NMUR1: variants seen among roughly 807,000 people sequenced by gnomAD.
NMUR1 encodes the protein neuromedin-U receptor 1.
NMUR1 carries 16 observed loss-of-function variants against 18.8 expected under a neutral mutation model. The observed-to-expected ratio is 0.85, with a 90% confidence interval of 0.58 to 1.29. The LOEUF (loss-of-function observed/expected upper bound fraction) is 1.29. NMUR1 is among the 50% of genes most tolerant of loss of function. The pLI, the probability that NMUR1 is intolerant of heterozygous loss-of-function variation, is 0.00. For synonymous variants in NMUR1, 258 were observed against 258.2 expected (o/e 1.00, Z 0.01); for missense variants, 529 against 580.3 (o/e 0.91, Z 0.91).
At chr2:231,518,940 C>G (rs2047286918), downstream of NMUR1, among the ~76,000 whole-genome samples, 1 of 152,202 alleles carries the variant, frequency 6.6e-6, no homozygotes, top group Non-Finnish European at 1.5e-5. Context: ...CAGTCAGACC[C>G]TTCTCCCCAG....
At position 231,530,357 on chromosome 2, in the gene NMUR1, A is replaced by C; in HGVS notation, c.3+2T>G. On this transcript the variant is annotated splice_donor_variant, in intron 1 of 2. Transcript: ENST00000305141. LOFTEE classifies it high-confidence loss of function. ...AGCCCACGCCGGCGCCTGCGCACCTACCATGCGGCCCGCGGCCCGCGAGAC... is the reference window on the plus strand; with the variant it reads ...AGCCCACGCCGGCGCCTGCGCACCTCCCATGCGGCCCGCGGCCCGCGAGAC... The C allele has an allele frequency of 6.7e-7, 1 of 1,488,494 alleles. No individual in the cohort carries two copies. Among genetic ancestry groups the C allele is most frequent in the Non-Finnish European group, 8.9e-7 (1 of 1,126,642 alleles). 92.2% of individuals were successfully genotyped at this position (1,488,494 alleles called of 1,614,324 possible). A position where few individuals can be genotyped will look rare whatever the true frequency, so the allele number is the denominator to read the frequency against.
At chr2:231,526,895 G>C (rs1289655386) in intron 2 of NMUR1, among the ~76,000 whole-genome samples, 1 of 152,156 alleles carries the variant, frequency 6.6e-6, no homozygotes, top group East Asian at 1.9e-4. Flanking sequence ...CCAGGTCCAG[G>C]CCACAGAGAT....
At chr2:231,529,489 T>TA (rs1187751523) in intron 1 of NMUR1, among the ~76,000 whole-genome samples, 1 of 129,096 alleles carries the variant, frequency 7.7e-6, no homozygotes, top group Admixed American at 8.3e-5. Context: ...AACGAAAAAG[T>TA]AAAAATCTAC....
chr2:231,527,897 C>T (rs1366570466), intron 2 of NMUR1, among the ~76,000 whole-genome samples: 2 of 151,902 alleles, frequency 1.3e-5, no homozygotes, highest in African/African-American at 2.4e-5. Context: ...ACAATCTTAC[C>T]GTTAGCCATT....
Position 231,524,585 on chromosome 2 carries a change from G to C in NMUR1, c.*458C>G, listed in dbSNP as rs999279032. The stretch of plus-strand genomic sequence containing the variant: ...AAAAGAAAGGTAGACTGATATGCTT[G>C]ATGGTGCATGACAAGGTGGTGACAG... On this transcript the variant is annotated 3_prime_UTR_variant, in exon 3 of 3. Coordinates refer to ENST00000305141, the MANE Select transcript of NMUR1 (RefSeq NM_006056.5). The C allele has an allele frequency of 6.2e-6, 1 of 161,228 alleles. No homozygotes were observed. The highest frequency in any genetic ancestry group is 2.4e-5 in the African/African-American group (1 of 41,700). 10.0% of individuals were successfully genotyped at this position (161,228 alleles called of 1,614,324 possible).
At chr2:231,520,361 CTGT>C (rs964196507), downstream of NMUR1, among the ~76,000 whole-genome samples, 13 of 152,368 alleles carry the variant, frequency 8.5e-5, no homozygotes, top group African/African-American at 2.9e-4. Flanking sequence ...ACGCCTGCCC[CTGT>C]TGTTGTGCGT....
chr2:231,528,701 A>C lies in NMUR1; in HGVS notation c.320T>G (p.Leu107Arg). 6.2e-7 allele frequency: 1 copy of C among 1,614,258 alleles called. No homozygotes were observed. Among genetic ancestry groups the C allele is most frequent in the South Asian group, 1.1e-5 (1 of 91,090 alleles). Residue 107 changes from leucine (L) to arginine (R), a missense_variant, in exon 2 of 3, where the codon CTG becomes CGG. Coordinates refer to ENST00000305141, the MANE Select transcript of NMUR1 (RefSeq NM_006056.5). ...GGGCAGGCCCACCAGCAGCACCAGCAGGTCCGACACGGCCAGGCTGAAGAG... is the reference window on the plus strand; with the variant it reads ...GGGCAGGCCCACCAGCAGCACCAGCCGGTCCGACACGGCCAGGCTGAAGAG... ...YYLFSLAVSDLLVLLVGLPLE... is the reference protein window; with the variant it reads ...YYLFSLAVSDRLVLLVGLPLE...
downstream of NMUR1, chr2:231,523,137 A>G (rs768160364): frequency 3.0e-6 from 1 of 335,732 alleles, no homozygotes; most frequent in Non-Finnish European, 5.5e-6. Flanking sequence ...TATATAAAAT[A>G]AAACCACCAT....
Position 231,528,615 on chromosome 2 carries a change from A to C in NMUR1, c.406T>G (p.Phe136Val). Residue 136 changes from phenylalanine (F) to valine (V), a missense_variant, in exon 2 of 3, where the codon TTC becomes GTC. Physicochemically the swap from Phe to Val is conservative, Grantham distance 50. Coordinates refer to ENST00000305141, the MANE Select transcript of NMUR1 (RefSeq NM_006056.5). ...ACCATCTCAAACAGTAGCGTGCGGA[A>C]ATAGCAGCCACCAACGCCCAGCAGG... ...PFLLGVGGCY[F>V]RTLLFEMVCL... 6.2e-7 allele frequency: 1 copy of C among 1,614,220 alleles called. No homozygotes were observed.
intron 1 of NMUR1, 121 bp downstream of exon 1, chr2:231,530,238 G>T (rs1344074668): frequency 4.2e-6 from 5 of 1,199,890 alleles, no homozygotes; most frequent in African/African-American, 3.2e-5. Flanking sequence ...CTCCCCGGTG[G>T]CGGGGACGGG....
downstream of NMUR1, among the ~76,000 whole-genome samples, chr2:231,519,448 T>G (rs992644276): frequency 6.6e-6 from 1 of 152,226 alleles, no homozygotes. Flanking sequence ...GAACATTTAC[T>G]TTAGAGAGTC....
At chr2:231,519,878 GC>G (rs1387828970), downstream of NMUR1, among the ~76,000 whole-genome samples, 2 of 152,134 alleles carry the variant, frequency 1.3e-5, no homozygotes, top group Non-Finnish European at 2.9e-5. Flanking sequence ...GATCATTTGA[GC>G]CCAGGAATTC....
rs777735963 is a variant in NMUR1, at chr2:231,525,234, G to A, written c.1090C>T (p.Arg364Ter). 1.5e-5 allele frequency: 25 copies of A among 1,614,036 alleles called. No individual in the cohort carries two copies. Among genetic ancestry groups the A allele is most frequent in the Middle Eastern group, 1.6e-4 (1 of 6,084 alleles). Reference protein sequence around the residue: ...VLYSLMSSRFRETFQEALCLG... With the variant: ...VLYSLMSSRF ...CACAGGGCCTCCTGGAAGGTCTCTC[G>A]GAAGCGGCTGGACATGAGGCTATAG... Residue 364 changes from arginine (R) to a stop codon, truncating the protein, a stop_gained, in exon 3 of 3, where the codon CGA (arginine) becomes TGA (stop). Coordinates refer to ENST00000305141, the MANE Select transcript of NMUR1 (RefSeq NM_006056.5). LOFTEE classifies it low-confidence loss of function (END_TRUNC).
Position 231,530,407 on chromosome 2 carries a change from G to C in NMUR1, c.-46C>G. 2.0e-6 allele frequency: 3 copies of C among 1,471,640 alleles called. No homozygotes were observed. Among genetic ancestry groups the C allele is most frequent in the Non-Finnish European group, 2.7e-6 (3 of 1,118,684 alleles). 91.2% of individuals were successfully genotyped at this position (1,471,640 alleles called of 1,614,324 possible). A position where few individuals can be genotyped will look rare whatever the true frequency, so the allele number is the denominator to read the frequency against. On this transcript the variant is annotated 5_prime_UTR_variant, in exon 1 of 3. Transcript: ENST00000305141. ...CCCCGGCTTCCACCCTCCGAGCGAC[G>C]GACACAGACGCGGCGCGGGAGCCAG...
intron 2 of NMUR1, among the ~76,000 whole-genome samples, chr2:231,527,285 G>A (rs1258202639): frequency 6.6e-6 from 1 of 152,234 alleles, no homozygotes; most frequent in Non-Finnish European, 1.5e-5. Flanking sequence ...CAGGAAAGAA[G>A]ATGGCGTGCC....
rs1195427942 is a variant in NMUR1, at chr2:231,523,786, G to A, written c.*1257C>T. The stretch of plus-strand genomic sequence containing the variant: ...GACTTGGCCTGCAGGGATTCAGAAT[G>A]GGGCTCAGTTTCAAGGACTACTTGT... On this transcript the variant is annotated 3_prime_UTR_variant, in exon 3 of 3. Coordinates refer to ENST00000305141, the MANE Select transcript of NMUR1 (RefSeq NM_006056.5). 1 of 152,778 alleles carries A rather than the reference G, an allele frequency of 6.5e-6. No individual in the cohort carries two copies. Among genetic ancestry groups the A allele is most frequent in the Non-Finnish European group, 1.5e-5 (1 of 68,108 alleles). 9.5% of individuals were successfully genotyped at this position (152,778 alleles called of 1,614,324 possible).
intron 2 of NMUR1, 79 bp downstream of exon 2, chr2:231,528,043 GC>G (rs1366592239): frequency 2.9e-5 from 42 of 1,435,952 alleles, no homozygotes; most frequent in Non-Finnish European, 3.7e-5. Flanking sequence ...CAGATACTCA[GC>G]CCCTTCTCCC....
downstream of NMUR1, chr2:231,523,156 T>A: frequency 2.9e-6 from 1 of 341,566 alleles, no homozygotes; most frequent in Non-Finnish European, 5.4e-6. Context: ...ATATGACACA[T>A]CACTAGGAGG....
intron 2 of NMUR1, 134 bp downstream of exon 2, chr2:231,527,989 C>T: frequency 2.2e-6 from 2 of 898,402 alleles, no homozygotes; most frequent in Non-Finnish European, 3.3e-6. Context: ...CACACACACA[C>T]ACACACACAC....
Sources: gnomAD v4.1 joint callset for allele counts (sites outside exome capture counted in the v4.1 genomes callset) on GRCh38, gnomAD v4.1.1 for gene constraint, MANE v1.5 for transcripts, NCBI Gene and HGNC (gene_info 2026-07-23, HGNC 2026-07-21) for gene names.